Variants in SHC4 observed in about 807,000 individuals in gnomAD.
The protein encoded by SHC4 is SHC adaptor protein 4.
A neutral mutation model predicts 69.4 loss-of-function variants in SHC4; 41 were observed. The ratio of observed to expected loss-of-function variants is 0.59; its 90% CI spans 0.46 to 0.77. The LOEUF is 0.77. Ranked by LOEUF, SHC4 falls within the 30% of genes least tolerant of loss-of-function variation. The pLI, the probability that SHC4 is intolerant of heterozygous loss-of-function variation, is 0.00. For synonymous variants in SHC4, 318 were observed against 299.3 expected (o/e 1.06, Z -0.64); for missense variants, 777 against 783.8 (o/e 0.99, Z 0.10).
At position 48,962,551 on chromosome 15, in the gene SHC4, T is replaced by C; in HGVS notation, c.465A>G (p.Ala155=). The C allele has an allele frequency of 1.9e-6, 3 of 1,606,388 alleles. No homozygotes were observed. Among genetic ancestry groups the C allele is most frequent in the Non-Finnish European group, 2.6e-6 (3 of 1,174,676 alleles). The change falls in exon 1 of 12, where the codon GCA becomes GCG. Residue 155 remains alanine (A), a synonymous_variant. Coordinates refer to ENST00000332408, the MANE Select transcript of SHC4 (RefSeq NM_203349.4). ...PPQQDLVGHR[A]TALTPDSCPL... ...GGCACGAATCAGGGGTTAGGGCGGT[T>C]GCCCTGTGTCCCACCAGGTCCTGCT... is the stretch of plus-strand genomic sequence containing the variant.
intron 6 of SHC4, among the ~76,000 whole-genome samples, chr15:48,860,093 A>C (rs1435064683): frequency 2.0e-5 from 3 of 152,218 alleles, no homozygotes; most frequent in Non-Finnish European, 2.9e-5. Flanking sequence ...CATAATATCA[A>C]GTATGGCTTA....
intron 4 of SHC4, among the ~76,000 whole-genome samples, chr15:48,872,726 C>A (rs1595739928): frequency 1.3e-5 from 2 of 152,148 alleles, no homozygotes; most frequent in East Asian, 3.9e-4. Context: ...CTAAATGTAT[C>A]CTGAGTAAGG....
chr15:48,928,164 GC>G, intron 1 of SHC4, among the ~76,000 whole-genome samples: 1 of 96,898 alleles, frequency 1.0e-5, no homozygotes, highest in East Asian at 4.4e-4. Flanking sequence ...GGTGCTACAG[GC>G]CAGAACAACG....
chr15:48,834,797 T>A lies in SHC4; in HGVS notation c.1709A>T (p.His570Leu), dbSNP rs1435171516. ...LSGLQGGQAKHLLLVDPEGKV... is the reference protein window; with the variant it reads ...LSGLQGGQAKLLLLVDPEGKV... ...GCCTTCAGGATCCACCAGGAGAAGA[T>A]GTTTTGCTTGGCCTCCCTGTAGTCC... The change falls in exon 11 of 12, where the codon CAT becomes CTT. Residue 570 changes from histidine to leucine, a missense_variant. Physicochemically the swap from His to Leu is moderately conservative, Grantham distance 99 (BLOSUM62 -3). Coordinates refer to ENST00000332408, the MANE Select transcript of SHC4 (RefSeq NM_203349.4). 6.2e-7 allele frequency: 1 copy of A among 1,614,146 alleles called. No homozygotes were observed.
At chr15:48,854,175 C>G (rs1003795391) in intron 8 of SHC4, among the ~76,000 whole-genome samples, 1 of 152,164 alleles carries the variant, frequency 6.6e-6, no homozygotes, top group Non-Finnish European at 1.5e-5. Flanking sequence ...ACAGACATTT[C>G]TCAAAAGAAC....
intron 1 of SHC4, among the ~76,000 whole-genome samples, chr15:48,952,148 T>C (rs1007402288): frequency 1.1e-4 from 17 of 152,196 alleles, no homozygotes; most frequent in African/African-American, 3.9e-4. Context: ...GGAGCCAGGA[T>C]TGGCATTAGG....
intron 2 of SHC4, among the ~76,000 whole-genome samples, chr15:48,910,180 G>T (rs1900482436): frequency 6.6e-6 from 1 of 151,976 alleles, no homozygotes; most frequent in Non-Finnish European, 1.5e-5. Context: ...GAATCCATCT[G>T]GTCCTGGAGG....
At chr15:48,927,755 A>T (rs4303430) in intron 1 of SHC4, among the ~76,000 whole-genome samples, 49,363 of 151,888 alleles carry the variant, frequency 0.32, 8,511 homozygotes, top group East Asian at 0.53. Context: ...TCTCCTACAC[A>T]GTTCTGCAGG....
Position 48,826,038 on chromosome 15 carries a change from C to T in SHC4, c.1826G>A (p.Ser609Asn). Residue 609 changes from serine to asparagine, a missense_variant, in exon 12 of 12, where the codon AGC becomes AAC. By Grantham distance (46) the Ser-to-Asn change is conservative. Coordinates refer to ENST00000332408, the MANE Select transcript of SHC4 (RefSeq NM_203349.4). ...DNSLPIISSG[S>N]EVSLKQPVRK... is the part of the protein sequence containing the mutation. Reference sequence around the variant, plus strand: ...CACTGGTTGTTTAAGGCTTACTTCGCTTCCAGAGGAGATGATTGGCAAACT... The same window carrying T: ...CACTGGTTGTTTAAGGCTTACTTCGTTTCCAGAGGAGATGATTGGCAAACT... The T allele has an allele frequency of 6.2e-7, 1 of 1,614,002 alleles. No individual in the cohort carries two copies. Among genetic ancestry groups the T allele is most frequent in the Non-Finnish European group, 8.5e-7 (1 of 1,179,952 alleles).
chr15:48,903,721 A>C (rs1900355084), intron 2 of SHC4, among the ~76,000 whole-genome samples: 1 of 151,906 alleles, frequency 6.6e-6, no homozygotes, highest in South Asian at 2.1e-4. Flanking sequence ...GAATCAAAAA[A>C]CTCTGGGGCT....
chr15:48,890,412 C>G (rs149591929), intron 3 of SHC4, among the ~76,000 whole-genome samples: 162 of 152,304 alleles, frequency 1.1e-3, no homozygotes, highest in African/African-American at 3.6e-3. Flanking sequence ...TTTAGTGCAA[C>G]TCCCTAACTC....
At chr15:48,935,902 T>C (rs1901060847) in intron 1 of SHC4, among the ~76,000 whole-genome samples, 1 of 152,170 alleles carries the variant, frequency 6.6e-6, no homozygotes, top group Non-Finnish European at 1.5e-5. Flanking sequence ...AATAGCATTA[T>C]ATAATAATAT....
intron 11 of SHC4, 86 bp downstream of exon 11, chr15:48,834,683 T>C: frequency 4.5e-6 from 7 of 1,544,998 alleles, no homozygotes; most frequent in Non-Finnish European, 4.4e-6. Flanking sequence ...CCTTGAGCAC[T>C]ATTCAATACC....
intron 4 of SHC4, among the ~76,000 whole-genome samples, chr15:48,873,388 G>C (rs905598248): frequency 2.0e-5 from 3 of 152,158 alleles, no homozygotes; most frequent in African/African-American, 7.2e-5. Flanking sequence ...CTGTGTACTT[G>C]TCTACATTTA....
At chr15:48,833,906 G>C (rs760944136) in intron 11 of SHC4, among the ~76,000 whole-genome samples, 1 of 152,188 alleles carries the variant, frequency 6.6e-6, no homozygotes, top group Non-Finnish European at 1.5e-5. Context: ...TGAAACTTTT[G>C]AAGTGAATTC....
chr15:48,924,962 G>GA lies in SHC4; in HGVS notation c.586-14dup, dbSNP rs748988045. ...CACAGCCCATGTACTACAATAAGAA[G>GA]AAAAAAAAGAAGAAGTAGGACAAAA... is the stretch of plus-strand genomic sequence containing the variant. On this transcript the variant is annotated splice_polypyrimidine_tract_variant and intron_variant, in intron 1 of 11. Coordinates refer to ENST00000332408, the MANE Select transcript of SHC4 (RefSeq NM_203349.4). 6.8e-6 allele frequency: 11 copies of GA among 1,611,450 alleles called. No homozygotes were observed. The highest frequency in any genetic ancestry group is 2.2e-5 in the East Asian group (1 of 44,840).
intron 8 of SHC4, among the ~76,000 whole-genome samples, chr15:48,851,911 A>C (rs1320083183): frequency 6.6e-6 from 1 of 152,332 alleles, no homozygotes; most frequent in East Asian, 1.9e-4. Flanking sequence ...GAGGCAGTAG[A>C]AACGGGAAAG....
At chr15:48,930,993 C>T (rs78263743) in intron 1 of SHC4, among the ~76,000 whole-genome samples, 10,185 of 152,200 alleles carry the variant, frequency 0.067, 458 homozygotes, top group Non-Finnish European at 0.075. Flanking sequence ...CTTTAGTGAA[C>T]GATTTTTGTT....
intron 5 of SHC4, 128 bp from the exon 6 acceptor site, chr15:48,867,997 A>G (rs1165443437): frequency 2.0e-5 from 14 of 706,694 alleles, no homozygotes; most frequent in Non-Finnish European, 2.6e-5. Context: ...GAGACAAGAA[A>G]AGCATTGTAA....
Sources: gnomAD v4.1 joint callset for allele counts (sites outside exome capture counted in the v4.1 genomes callset) on GRCh38, gnomAD v4.1.1 for gene constraint, MANE v1.5 for transcripts, NCBI Gene and HGNC (gene_info 2026-07-23, HGNC 2026-07-21) for gene names.